Variants in ESRRG observed in about 807,000 individuals in gnomAD.
ESRRG encodes the protein estrogen-related receptor gamma.
Under a neutral mutation model 44.0 loss-of-function variants are expected in ESRRG, and 13 were observed. The observed-to-expected ratio is 0.30, with a 90% CI of 0.19 to 0.47. ESRRG has a LOEUF of 0.47. Ranked by LOEUF, ESRRG falls within the 20% of genes least tolerant of loss-of-function variation. The pLI, the probability that ESRRG is intolerant of heterozygous loss-of-function variation, is 1.00. For synonymous variants in ESRRG, 215 were observed against 214.6 expected (o/e 1.00, Z -0.02); for missense variants, 395 against 580.6 (o/e 0.68, Z 3.29).
chr1:216,839,762 A>G (rs73096082), intron 2 of ESRRG, among the ~76,000 whole-genome samples: 5,104 of 152,232 alleles, frequency 0.034, 301 homozygotes, highest in African/African-American at 0.11. Flanking sequence ...TTGTCCATCT[A>G]TCAGAGCTCC....
At chr1:217,115,784 A>T (rs2092717663) in intron 1 of ESRRG, among the ~76,000 whole-genome samples, 1 of 152,078 alleles carries the variant, frequency 6.6e-6, no homozygotes, top group Non-Finnish European at 1.5e-5. Context: ...GGATATATGA[A>T]ACAGTTTCTT....
rs190828022 is a variant in ESRRG, at chr1:216,909,061, G to A, written c.-14+30521C>T. ...TATATTTCCTCGACCTCTACTTTTCGAGTACATGGGTAGAAATTCTGAGAA... is the reference window on the plus strand; with the variant it reads ...TATATTTCCTCGACCTCTACTTTTCAAGTACATGGGTAGAAATTCTGAGAA... On this transcript the variant is annotated intron_variant, in intron 2 of 7. Transcript: ENST00000359162. Among the ~76,000 whole-genome samples the A allele has an allele frequency of 3.9e-5, 6 of 151,904 alleles. No homozygotes were observed. In the East Asian group the frequency reaches 7.7e-4, roughly 20 times the overall value.
intron 3 of ESRRG, among the ~76,000 whole-genome samples, chr1:216,612,489 C>T (rs2060807398): frequency 6.6e-6 from 1 of 152,244 alleles, no homozygotes; most frequent in African/African-American, 2.4e-5. Flanking sequence ...TTTATCACTT[C>T]CCAAAATGTA....
At chr1:217,063,322 A>T (rs2088947366) in intron 1 of ESRRG, among the ~76,000 whole-genome samples, 1 of 152,200 alleles carries the variant, frequency 6.6e-6, no homozygotes, top group Non-Finnish European at 1.5e-5. Context: ...CAGGGTATAG[A>T]TATGTTCCTC....
chr1:217,053,497 G>C (rs1015297148), intron 1 of ESRRG, among the ~76,000 whole-genome samples: 1 of 142,120 alleles, frequency 7.0e-6, no homozygotes, highest in African/African-American at 2.6e-5. Flanking sequence ...AAGAAAGAAA[G>C]AAATGCCTGC....
At chr1:217,051,640 T>C (rs2086058607) in intron 1 of ESRRG, among the ~76,000 whole-genome samples, 1 of 152,214 alleles carries the variant, frequency 6.6e-6, no homozygotes, top group Non-Finnish European at 1.5e-5. Context: ...ATGAGCCATA[T>C]GGAATAGGAG....
chr1:216,688,735 A>C (rs1043944665), intron 1 of ESRRG, among the ~76,000 whole-genome samples: 1 of 152,176 alleles, frequency 6.6e-6, no homozygotes, highest in Non-Finnish European at 1.5e-5. Context: ...GGCCGGGGAC[A>C]TGAAAGCAGA....
At chr1:216,554,401 C>T (rs2057077619) in intron 5 of ESRRG, among the ~76,000 whole-genome samples, 1 of 151,784 alleles carries the variant, frequency 6.6e-6, no homozygotes, top group Non-Finnish European at 1.5e-5. Flanking sequence ...TTGCAATGAG[C>T]CAAGATCATG....
At chr1:216,981,373 G>C (rs1032393828) in intron 1 of ESRRG, among the ~76,000 whole-genome samples, 8 of 152,094 alleles carry the variant, frequency 5.3e-5, no homozygotes, top group Non-Finnish European at 1.2e-4. Flanking sequence ...TCCCTAACTT[G>C]ACTTTGCTAT....
chr1:217,070,074 T>C (rs1316119165), intron 1 of ESRRG, among the ~76,000 whole-genome samples: 1 of 152,000 alleles, frequency 6.6e-6, no homozygotes, highest in Non-Finnish European at 1.5e-5. Context: ...ATCACCAAAG[T>C]AGAGAGAAAA....
chr1:216,929,760 T>C (rs973427919), intron 2 of ESRRG, among the ~76,000 whole-genome samples: 22 of 152,112 alleles, frequency 1.4e-4, no homozygotes, highest in African/African-American at 5.3e-4. Flanking sequence ...TTTTAGACTT[T>C]TTGTCCTAAA....
chr1:217,004,406 G>A lies in ESRRG; in HGVS notation c.-105-64733C>T, dbSNP rs199519533. Among the ~76,000 whole-genome samples the A allele has an allele frequency of 3.3e-5, 5 of 152,236 alleles. No individual in the cohort carries two copies. The East Asian group carries it at 9.7e-4, about 29-fold the overall frequency. On this transcript the variant is annotated intron_variant, in intron 1 of 7. Coordinates refer to the ESRRG transcript ENST00000359162. The stretch of plus-strand genomic sequence containing the variant: ...AGGAGAGCTGATGGTTTTATAAATG[G>A]GAGTTCCCCTGCACAAGCTCTTTTG...
intron 5 of ESRRG, among the ~76,000 whole-genome samples, chr1:216,521,138 G>T (rs1334513469): frequency 1.3e-5 from 2 of 152,092 alleles, no homozygotes; most frequent in South Asian, 4.1e-4. Context: ...CTTTTGGACT[G>T]GCTGTGTAAG....
chr1:217,112,377 G>A (rs2092670951), intron 1 of ESRRG, among the ~76,000 whole-genome samples: 1 of 152,138 alleles, frequency 6.6e-6, no homozygotes, highest in African/African-American at 2.4e-5. Flanking sequence ...AAAGCTGCAA[G>A]GCCTTCAAGG....
intron 1 of ESRRG, among the ~76,000 whole-genome samples, chr1:217,043,539 T>A (rs78556021): frequency 1.3e-5 from 2 of 152,192 alleles, no homozygotes; most frequent in African/African-American, 4.8e-5. Context: ...TCCTTAGTAC[T>A]TTCATTAAAG....
chr1:217,110,141 A>G (rs568744092), intron 1 of ESRRG, among the ~76,000 whole-genome samples: 1 of 152,330 alleles, frequency 6.6e-6, no homozygotes, highest in South Asian at 2.1e-4. Flanking sequence ...TTTGGAACCC[A>G]TGGAAAACAT....
At chr1:217,003,067 A>G (rs2077251380) in intron 1 of ESRRG, among the ~76,000 whole-genome samples, 1 of 152,212 alleles carries the variant, frequency 6.6e-6, no homozygotes. Context: ...CAAAACATTT[A>G]CTTTTGTGAG....
chr1:216,647,447 C>T (rs1284916249), intron 3 of ESRRG, among the ~76,000 whole-genome samples: 1 of 151,722 alleles, frequency 6.6e-6, no homozygotes, highest in Non-Finnish European at 1.5e-5. Context: ...CATTTTGTTG[C>T]TTTCTCTAAG....
chr1:216,852,467 A>G (rs1024414178), intron 2 of ESRRG, among the ~76,000 whole-genome samples: 5 of 152,208 alleles, frequency 3.3e-5, no homozygotes, highest in Non-Finnish European at 7.3e-5. Context: ...TTATCTGTTA[A>G]GCATTTTACT....
Sources: allele counts gnomAD v4.1 joint callset (sites outside exome capture counted in the v4.1 genomes callset), GRCh38; gene constraint gnomAD v4.1.1; transcripts MANE v1.5; gene names NCBI Gene and HGNC (gene_info 2026-07-23, HGNC 2026-07-21).